The following DNM2 variants were observed in gnomAD, a reference collection of about 807,000 sequenced individuals.
DNM2 encodes dynamin-2.
DNM2 carries 15 observed loss-of-function variants against 99.0 expected under a neutral mutation model. The ratio of observed to expected loss-of-function variants is 0.15; its 90% CI spans 0.10 to 0.23. The LOEUF is 0.23. DNM2 is among the 10% of genes least tolerant of loss of function. The pLI, the probability that DNM2 is intolerant of heterozygous loss-of-function variation, is 1.00. For synonymous variants in DNM2, 525 were observed against 481.2 expected, an observed-to-expected ratio of 1.09 and a Z score of -1.19; for missense variants, 742 against 1,189.4, an observed-to-expected ratio of 0.62 and a Z score of 5.53.
intron 1 of DNM2, among the ~76,000 whole-genome samples, chr19:10,728,700 C>G (rs1203665167): frequency 6.6e-6 from 1 of 152,172 alleles, no homozygotes; most frequent in Non-Finnish European, 1.5e-5. Context: ...GTAATCCCAG[C>G]ACTTTGAGAG....
chr19:10,821,896 C>T (rs2146169340), intron 16 of DNM2, among the ~76,000 whole-genome samples: 1 of 152,262 alleles, frequency 6.6e-6, no homozygotes, highest in Non-Finnish European at 1.5e-5. Context: ...GTGATGATGT[C>T]CCAGGCAGCA....
At chr19:10,789,492 C>G (rs1409129679) in intron 7 of DNM2, among the ~76,000 whole-genome samples, 4 of 151,476 alleles carry the variant, frequency 2.6e-5, no homozygotes, top group Admixed American at 6.6e-5. Context: ...GAGTTTGAGA[C>G]CAGCGTGAGC....
chr19:10,808,696 A>T, intron 14 of DNM2, 116 bp downstream of exon 14: 1 of 1,350,608 alleles, frequency 7.4e-7, no homozygotes, highest in Non-Finnish European at 1.0e-6. Context: ...AATACTAAAA[A>T]TCGAGCTAAC....
chr19:10,811,978 A>T lies in DNM2; in HGVS notation c.1558-286A>T. On this transcript the variant is annotated intron_variant, in intron 14 of 20. Transcript: ENST00000389253. The surrounding 1 kb of genome is among the most constrained non-coding windows in gnomAD (Gnocchi z 5.4). ...ACAGCCCCACACACAAGCCCCAGGG[A>T]CTCCTCCCATGGGCCCCTTTCCATC... is the stretch of plus-strand genomic sequence containing the variant. The T allele has an allele frequency of 6.3e-6, 3 of 474,612 alleles. No individual in the cohort carries two copies. Among genetic ancestry groups the T allele is most frequent in the South Asian group, 4.6e-5 (3 of 64,584 alleles). The allele number at this position is 474,612 out of a possible 1,614,324, so 29.4% of individuals were successfully genotyped here.
chr19:10,781,147 G>A (rs747681111), intron 5 of DNM2, among the ~76,000 whole-genome samples: 4 of 152,080 alleles, frequency 2.6e-5, no homozygotes, highest in Non-Finnish European at 4.4e-5. Context: ...CTATGATTGT[G>A]CCACTGCAAT....
intron 1 of DNM2, among the ~76,000 whole-genome samples, chr19:10,745,796 T>G (rs1253896203): frequency 6.6e-6 from 1 of 152,082 alleles, no homozygotes; most frequent in African/African-American, 2.4e-5. Context: ...TGGGCATCAG[T>G]AGGGGACAGA....
intron 15 of DNM2, among the ~76,000 whole-genome samples, chr19:10,813,795 C>T (rs1407939694): frequency 6.7e-6 from 1 of 148,158 alleles, no homozygotes; most frequent in Non-Finnish European, 1.5e-5. Context: ...CACTGCACTC[C>T]AGCCTGGGCC....
At chr19:10,734,468 C>T (rs552222209) in intron 1 of DNM2, among the ~76,000 whole-genome samples, 9 of 147,944 alleles carry the variant, frequency 6.1e-5, no homozygotes, top group Non-Finnish European at 1.3e-4. Flanking sequence ...AGTGAGACCT[C>T]GTGTGTAGAA....
At position 10,765,614 on chromosome 19, in the gene DNM2, T is replaced by C. The variant is rs2070773838; in HGVS notation, c.235+5803T>C. On this transcript the variant is annotated intron_variant, in intron 2 of 20. Transcript: ENST00000389253. This position sits in a 1 kb window ranked among gnomAD's most constrained non-coding sequence, Gnocchi z 4.4. ...TCCTGGACTGGGAGATATTTGCGTA[T>C]TGCCTCGGATTAGAGAGAACTCAAG... Among the ~76,000 whole-genome samples the C allele has an allele frequency of 6.6e-6, 1 of 152,168 alleles. No individual in the cohort carries two copies.
At chr19:10,754,990 T>A (rs1292142034) in intron 1 of DNM2, 1 of 152,172 alleles carries the variant, frequency 6.6e-6, no homozygotes, top group African/African-American at 2.4e-5. Context: ...CCCCTTCTAG[T>A]CCATTTCCCG....
At chr19:10,737,668 A>G (rs2069578998) in intron 1 of DNM2, among the ~76,000 whole-genome samples, 1 of 152,136 alleles carries the variant, frequency 6.6e-6, no homozygotes, top group African/African-American at 2.4e-5. Context: ...TATTTTTAGT[A>G]GAGACGAGGT....
At chr19:10,718,565 G>A (rs768283830) in intron 1 of DNM2, 162 bp downstream of exon 1, 19 of 1,069,982 alleles carry the variant, frequency 1.8e-5, no homozygotes, top group Non-Finnish European at 2.1e-5. Flanking sequence ...GACGCCCTGG[G>A]CAGAGGACTC....
chr19:10,787,331 C>T (rs572630452), intron 7 of DNM2, among the ~76,000 whole-genome samples: 8 of 151,986 alleles, frequency 5.3e-5, no homozygotes, highest in African/African-American at 1.2e-4. Context: ...ACTAGCCAGG[C>T]GTGGTGGTGG....
rs1224396314 is a variant in DNM2 at position 10,746,893 on chromosome 19, C to T, written c.162-12845C>T. ...CTGGGATTACAGGTGCCCACCACCA[C>T]GCCTGGCTAATTTTTGTATTTTTAG... On this transcript the variant is annotated intron_variant, in intron 1 of 20. Transcript: ENST00000389253. Among the ~76,000 whole-genome samples, 5 of 151,698 alleles carry T rather than the reference C, an allele frequency of 3.3e-5. No individual in the cohort carries two copies. In the South Asian group the frequency reaches 8.3e-4, roughly 25 times the overall value.
Position 10,796,186 on chromosome 19 carries a change from A to G in DNM2, c.1196+747A>G, listed in dbSNP as rs1280243348. ...CAGGAGCTAATCAATACAGTTAGGC[A>G]GTGTACCAGTAAGGTATTGCTCCCT... On this transcript the variant is annotated intron_variant, in intron 9 of 20. Coordinates refer to ENST00000389253, the MANE Select transcript of DNM2 (RefSeq NM_001005361.3). The surrounding 1 kb of genome is among the most constrained non-coding windows in gnomAD (Gnocchi z 5.6). The G allele has an allele frequency of 2.8e-5, 45 of 1,614,150 alleles. No individual in the cohort carries two copies. The highest frequency in any genetic ancestry group is 3.8e-5 in the Non-Finnish European group (45 of 1,180,038).
chr19:10,728,182 T>C (rs536552380), intron 1 of DNM2, among the ~76,000 whole-genome samples: 180 of 152,316 alleles, frequency 1.2e-3, no homozygotes, highest in Non-Finnish European at 1.9e-3. Context: ...TGGACATTTA[T>C]GATGTTAAGA....
At position 10,829,023 on chromosome 19, in the gene DNM2, C is replaced by T. The variant is rs2073244936; in HGVS notation, c.2059-13C>T. The T allele has an allele frequency of 6.2e-7, 1 of 1,610,826 alleles. No individual in the cohort carries two copies. Among genetic ancestry groups the T allele is most frequent in the African/African-American group, 1.3e-5 (1 of 74,800 alleles). The stretch of plus-strand genomic sequence containing the variant: ...GATACACAAGCCTGACCCTCCCCAA[C>T]CCCTGCCCGCAGACGAAGGCCTTCA... On this transcript the variant is annotated splice_polypyrimidine_tract_variant and intron_variant, in intron 18 of 20. Transcript: ENST00000389253.
intron 16 of DNM2, among the ~76,000 whole-genome samples, chr19:10,821,999 C>G (rs1165477812): frequency 6.6e-6 from 1 of 152,134 alleles, no homozygotes; most frequent in Non-Finnish European, 1.5e-5. Flanking sequence ...GACCACAAAC[C>G]CAACTCTCAC....
Position 10,818,936 on chromosome 19 carries a change from T to A in DNM2, c.1672-1044T>A, listed in dbSNP as rs2072874068. Among the ~76,000 whole-genome samples, 1 of 152,028 alleles carries A rather than the reference T, an allele frequency of 6.6e-6. No individual in the cohort carries two copies. The highest frequency in any genetic ancestry group is 1.5e-5 in the Non-Finnish European group (1 of 67,980). On this transcript the variant is annotated intron_variant, in intron 15 of 20. Coordinates refer to ENST00000389253, the MANE Select transcript of DNM2 (RefSeq NM_001005361.3). This position sits in a 1 kb window ranked among gnomAD's most constrained non-coding sequence, Gnocchi z 4.3. ...GAGACCAAGCAGTGCATGGCATGGG[T>A]CCCCAAGAGCTGCTGCTGTGGCGGG...
Sources: allele counts gnomAD v4.1 joint callset (sites outside exome capture counted in the v4.1 genomes callset), GRCh38; gene constraint gnomAD v4.1.1; non-coding constraint Gnocchi (gnomAD v3.1); transcripts MANE v1.5; gene names NCBI Gene and HGNC (gene_info 2026-07-23, HGNC 2026-07-21).